The following AHI1 variants were observed in gnomAD, a reference collection of about 807,000 sequenced individuals.
AHI1 encodes the protein jouberin.
Under a neutral mutation model 149.3 loss-of-function variants are expected in AHI1, and 123 were observed. The observed-to-expected ratio is 0.82, with a 90% CI of 0.71 to 0.96. AHI1 has a LOEUF of 0.96. Among genes scored for constraint, AHI1 ranks in the 40% least tolerant of loss-of-function variants. The pLI, the probability that AHI1 is intolerant of heterozygous loss-of-function variation, is 0.00. For missense variants in AHI1, 1,439 were observed against 1,422.7 expected (o/e 1.01, Z -0.18); for synonymous variants, 475 against 459.8 (o/e 1.03, Z -0.42).
Position 135,357,554 on chromosome 6 carries a change from T to A in AHI1, c.3165+578A>T, listed in dbSNP as rs575140889. ...AGGAAGTACTTGGAAGACTTATGAATGCAAAGGATAAGAAATAAGAGTAGG... is the reference window on the plus strand; with the variant it reads ...AGGAAGTACTTGGAAGACTTATGAAAGCAAAGGATAAGAAATAAGAGTAGG... On this transcript the variant is annotated intron_variant, in intron 24 of 28. Coordinates refer to ENST00000265602, the MANE Select transcript of AHI1 (RefSeq NM_001134831.2). 5.9e-5 allele frequency among the ~76,000 whole-genome samples: 9 copies of A among 152,318 alleles called. No homozygotes were observed. In the East Asian group the frequency reaches 1.3e-3, roughly 23 times the overall value.
At chr6:135,302,587 G>A in intron 26 of AHI1, 1 of 1,129,518 alleles carries the variant, frequency 8.9e-7, no homozygotes, top group Non-Finnish European at 1.1e-6. Flanking sequence ...AGGCAGCTTA[G>A]CCTGTGTTCA....
intron 14 of AHI1, 24 bp downstream of exon 14, chr6:135,442,558 T>A: frequency 1.3e-6 from 2 of 1,590,858 alleles, no homozygotes; most frequent in East Asian, 4.5e-5. Context: ...ACAATCAGAT[T>A]AAACAGGTAG....
At chr6:135,487,031 C>T (rs1794576982) in intron 5 of AHI1, among the ~76,000 whole-genome samples, 1 of 152,126 alleles carries the variant, frequency 6.6e-6, no homozygotes, top group Non-Finnish European at 1.5e-5. Context: ...TTTCCAGAGT[C>T]TTGGGATTAC....
chr6:135,327,456 T>C (rs1311992127), intron 24 of AHI1, among the ~76,000 whole-genome samples: 1 of 152,236 alleles, frequency 6.6e-6, no homozygotes, highest in African/African-American at 2.4e-5. Flanking sequence ...ATACCATTGT[T>C]GACATTCAAG....
At chr6:135,314,724 T>G (rs551148249) in intron 26 of AHI1, among the ~76,000 whole-genome samples, 2 of 152,204 alleles carry the variant, frequency 1.3e-5, no homozygotes, top group Non-Finnish European at 2.9e-5. Context: ...GGTTCTCTCA[T>G]GAACCATGAG....
intron 24 of AHI1, among the ~76,000 whole-genome samples, chr6:135,354,902 C>T (rs1233319138): frequency 6.6e-6 from 1 of 152,030 alleles, no homozygotes; most frequent in African/African-American, 2.4e-5. Context: ...GAAAATAAAA[C>T]AATATCTATA....
chr6:135,318,310 T>G (rs567945173), intron 26 of AHI1: 1 of 461,160 alleles, frequency 2.2e-6, no homozygotes, highest in South Asian at 3.1e-5. Context: ...ACTTGGAGTC[T>G]ACTTTAACCT....
intron 27 of AHI1, among the ~76,000 whole-genome samples, chr6:135,300,208 C>T (rs1366718317): frequency 6.6e-6 from 1 of 151,676 alleles, no homozygotes; most frequent in Non-Finnish European, 1.5e-5. Flanking sequence ...GCCTGTAATC[C>T]CAGCTACTTG....
intron 15 of AHI1, among the ~76,000 whole-genome samples, chr6:135,437,793 T>C (rs1310278656): frequency 1.3e-5 from 2 of 152,128 alleles, no homozygotes; most frequent in Admixed American, 1.3e-4. Flanking sequence ...ACATTCAAGG[T>C]AGAACAAGCA....
chr6:135,393,721 A>G (rs1417241416), intron 23 of AHI1, among the ~76,000 whole-genome samples: 1 of 152,136 alleles, frequency 6.6e-6, no homozygotes, highest in East Asian at 1.9e-4. Flanking sequence ...ACACATATTC[A>G]TCATGTTTAC....
At chr6:135,296,538 T>G (rs1389936368) in intron 27 of AHI1, among the ~76,000 whole-genome samples, 2 of 152,190 alleles carry the variant, frequency 1.3e-5, no homozygotes, top group Non-Finnish European at 2.9e-5. Flanking sequence ...CTTACTTTTC[T>G]TTGAGGGTAA....
At chr6:135,415,010 G>T (rs1217012891) in intron 20 of AHI1, among the ~76,000 whole-genome samples, 1 of 125,410 alleles carries the variant, frequency 8.0e-6, no homozygotes, top group Non-Finnish European at 1.6e-5. Context: ...TCCCCTTCCT[G>T]TGTCCATGTG....
intron 5 of AHI1, chr6:135,490,374 A>G (rs957859023): frequency 9.2e-6 from 6 of 651,030 alleles, no homozygotes; most frequent in African/African-American, 1.8e-5. Flanking sequence ...GAGTTTCCCC[A>G]CTATCTCTGG....
chr6:135,458,723 A>G (rs181514120), intron 8 of AHI1, among the ~76,000 whole-genome samples: 2 of 152,318 alleles, frequency 1.3e-5, no homozygotes, highest in East Asian at 3.9e-4. Flanking sequence ...ACAAAAATGG[A>G]TACCTGAAGG....
At chr6:135,410,004 T>A (rs1189414947) in intron 21 of AHI1, among the ~76,000 whole-genome samples, 1 of 152,182 alleles carries the variant, frequency 6.6e-6, no homozygotes, top group Non-Finnish European at 1.5e-5. Context: ...GCACTATGTA[T>A]CAGACACCCT....
At chr6:135,453,573 C>A (rs1020445901) in intron 10 of AHI1, 137 bp from the exon 11 acceptor site, 2 of 658,384 alleles carry the variant, frequency 3.0e-6, no homozygotes, top group Non-Finnish European at 5.1e-6. Flanking sequence ...ATTTTTATCT[C>A]ATTTCATTCA....
intron 21 of AHI1, among the ~76,000 whole-genome samples, chr6:135,407,334 A>G (rs1056520600): frequency 2.0e-5 from 3 of 152,238 alleles, no homozygotes; most frequent in Non-Finnish European, 4.4e-5. Context: ...GAGAAAAGGC[A>G]TAATGACAAA....
chr6:135,382,046 T>A (rs1234380661), intron 23 of AHI1, among the ~76,000 whole-genome samples: 1 of 152,246 alleles, frequency 6.6e-6, no homozygotes, highest in Non-Finnish European at 1.5e-5. Context: ...TAGAAATCAT[T>A]CTTAACTTTT....
intron 24 of AHI1, among the ~76,000 whole-genome samples, chr6:135,352,745 TAC>T (rs1458162087): frequency 6.7e-6 from 1 of 148,448 alleles, no homozygotes; most frequent in Non-Finnish European, 1.5e-5. Flanking sequence ...ACAATATATA[TAC>T]ACACACATAT....
Sources: allele counts gnomAD v4.1 joint callset (sites outside exome capture counted in the v4.1 genomes callset), GRCh38; gene constraint gnomAD v4.1.1; transcripts MANE v1.5; gene names NCBI Gene and HGNC (gene_info 2026-07-23, HGNC 2026-07-21).